The following PTPN3 variants were observed in gnomAD, a reference collection of about 807,000 sequenced individuals.
The protein encoded by PTPN3 is protein tyrosine phosphatase non-receptor type 3, also known as tyrosine-protein phosphatase non-receptor type 3.
PTPN3 carries 96 observed loss-of-function variants against 132.7 expected under a neutral mutation model. That is an observed-to-expected ratio of 0.72 (90% CI 0.61 to 0.86). The LOEUF (loss-of-function observed/expected upper bound fraction) is 0.86, where lower values mean the gene tolerates loss of function less well. Ranked by LOEUF, PTPN3 falls within the 40% of genes least tolerant of loss-of-function variation. The pLI is 0.00. For missense variants in PTPN3, 1,125 were observed against 1,159.6 expected (o/e 0.97, Z 0.43); for synonymous variants, 398 against 429.0 (o/e 0.93, Z 0.89).
the PTPN3 span, chr9:109,533,326 A>C: frequency 2.2e-6 from 1 of 453,652 alleles, no homozygotes; most frequent in Non-Finnish European, 4.0e-6. Context: ...TTGTATTTTT[A>C]GTAGAGACGG....
intron 12 of PTPN3, among the ~76,000 whole-genome samples, chr9:109,426,249 G>A (rs1479676849): frequency 6.7e-6 from 1 of 148,680 alleles, no homozygotes; most frequent in South Asian, 2.1e-4. Context: ...ATTTTATTTA[G>A]AGAATAAATT....
the PTPN3 span, among the ~76,000 whole-genome samples, chr9:109,523,592 T>A: frequency 6.6e-6 from 1 of 152,288 alleles, no homozygotes; most frequent in Non-Finnish European, 1.5e-5. Context: ...TGTCTTCAAC[T>A]GGGCTCTGCA....
At chr9:109,500,767 CA>C (rs57509273), upstream of PTPN3, among the ~76,000 whole-genome samples, 3 of 150,204 alleles carry the variant, frequency 2.0e-5, no homozygotes, top group African/African-American at 7.3e-5. Flanking sequence ...CCCATCTTTA[CA>C]AAAAAAAACT....
intron 9 of PTPN3, among the ~76,000 whole-genome samples, chr9:109,435,228 T>C (rs559919094): frequency 6.6e-6 from 1 of 152,308 alleles, no homozygotes; most frequent in South Asian, 2.1e-4. Flanking sequence ...CCCTGCAGCA[T>C]AGGAAGTTAC....
At chr9:109,478,997 C>T (rs895903663) in intron 1 of PTPN3, among the ~76,000 whole-genome samples, 14 of 151,416 alleles carry the variant, frequency 9.2e-5, no homozygotes, top group Middle Eastern at 3.4e-3. Flanking sequence ...TTTAAATCTC[C>T]GGTAAACAAG....
chr9:109,522,601 A>G, the PTPN3 span, among the ~76,000 whole-genome samples: 1 of 152,226 alleles, frequency 6.6e-6, no homozygotes, highest in Non-Finnish European at 1.5e-5. Flanking sequence ...ATATACGCGT[A>G]CCTGCTAGTG....
Position 109,377,457 on chromosome 9 carries a change from C to CACACACACACACACAA in PTPN3, c.*2098_*2099insTTGTGTGTGTGTGTGT, listed in dbSNP as rs1422644975. 7.6e-6 allele frequency: 1 copy of CACACACACACACACAA among 131,152 alleles called. No individual in the cohort carries two copies. The allele number at this position is 131,152 out of a possible 1,614,324, so 8.1% of individuals were successfully genotyped here. ...ACACACACACACACACACACACACA[C>CACACACACACACACAA]AAGCCAGGTGAGGTGGCATGTGCCT... is the stretch of plus-strand genomic sequence containing the variant. On this transcript the variant is annotated 3_prime_UTR_variant, in exon 26 of 26. Transcript: ENST00000374541.
At chr9:109,461,037 A>T (rs1845822754) in intron 2 of PTPN3, among the ~76,000 whole-genome samples, 3 of 152,266 alleles carry the variant, frequency 2.0e-5, no homozygotes, top group African/African-American at 7.2e-5. Context: ...AGCCAGACAC[A>T]TACTAAACTA....
At chr9:109,509,615 C>T in the PTPN3 span, among the ~76,000 whole-genome samples, 7 of 152,116 alleles carry the variant, frequency 4.6e-5, no homozygotes, top group African/African-American at 9.7e-5. Flanking sequence ...TTGATATGCC[C>T]GTCAGGCCAA....
At chr9:109,476,185 A>C (rs1378943391) in intron 1 of PTPN3, among the ~76,000 whole-genome samples, 1 of 152,130 alleles carries the variant, frequency 6.6e-6, no homozygotes, top group African/African-American at 2.4e-5. Flanking sequence ...AGAAACCATA[A>C]AATATTTTTA....
At chr9:109,453,733 G>C (rs535596050) in intron 5 of PTPN3, among the ~76,000 whole-genome samples, 2 of 152,026 alleles carry the variant, frequency 1.3e-5, no homozygotes, top group Non-Finnish European at 2.9e-5. Context: ...TAACAAAGCT[G>C]GCCTGGTGAC....
At chr9:109,469,383 C>T (rs374302287) in intron 1 of PTPN3, among the ~76,000 whole-genome samples, 52 of 152,278 alleles carry the variant, frequency 3.4e-4, no homozygotes, top group African/African-American at 1.2e-3. Context: ...CTTTGGGAGG[C>T]CCAGGTGGGC....
chr9:109,479,286 G>A (rs1051408086), intron 1 of PTPN3, among the ~76,000 whole-genome samples: 2 of 152,112 alleles, frequency 1.3e-5, no homozygotes, highest in African/African-American at 4.8e-5. Context: ...CATAGTATTT[G>A]TCTATTTGAG....
At chr9:109,380,783 T>G (rs187994764) in intron 25 of PTPN3, among the ~76,000 whole-genome samples, 3 of 152,218 alleles carry the variant, frequency 2.0e-5, no homozygotes, top group Non-Finnish European at 4.4e-5. Flanking sequence ...ACAGAGCTGG[T>G]TGGAACATAT....
intron 12 of PTPN3, 52 bp downstream of exon 12, chr9:109,426,898 G>C (rs1352853441): frequency 3.3e-6 from 5 of 1,520,584 alleles, no homozygotes; most frequent in Non-Finnish European, 4.5e-6. Flanking sequence ...TGATGACCAG[G>C]ATGCATTTAC....
intron 7 of PTPN3, among the ~76,000 whole-genome samples, chr9:109,443,115 A>G (rs1466663987): frequency 1.4e-5 from 2 of 146,626 alleles, no homozygotes; most frequent in African/African-American, 5.1e-5. Flanking sequence ...TCACTCTGTC[A>G]CAAAGGCTGG....
intron 1 of PTPN3, among the ~76,000 whole-genome samples, chr9:109,475,224 G>C (rs1213533719): frequency 6.6e-6 from 1 of 152,176 alleles, no homozygotes; most frequent in African/African-American, 2.4e-5. Context: ...TGGGATAGAT[G>C]AACTCTGGGC....
At chr9:109,463,501 T>G (rs1367915290) in intron 1 of PTPN3, 50 bp from the exon 2 acceptor site, 3 of 1,533,174 alleles carry the variant, frequency 2.0e-6, no homozygotes, top group Non-Finnish European at 2.7e-6. Context: ...AATTGTCAGT[T>G]ACTTGTGAGT....
In PTPN3 at chr9:109,379,265, G is replaced by T; in HGVS notation, c.*291C>A. 2.8e-6 allele frequency: 1 copy of T among 353,690 alleles called. No individual in the cohort carries two copies. The highest frequency in any genetic ancestry group is 4.4e-5 in the South Asian group (1 of 22,588). The allele number at this position is 353,690 out of a possible 1,614,324, so 21.9% of individuals were successfully genotyped here. ...CAATTGCTCCAGGATGCCGACAGGG[G>T]TGTGTGTGGTGATGTTAGGGAAGAA... On this transcript the variant is annotated 3_prime_UTR_variant, in exon 26 of 26. Coordinates refer to ENST00000374541, the MANE Select transcript of PTPN3 (RefSeq NM_002829.4).
Sources: gnomAD v4.1 joint callset for allele counts (sites outside exome capture counted in the v4.1 genomes callset) on GRCh38, gnomAD v4.1.1 for gene constraint, MANE v1.5 for transcripts, NCBI Gene and HGNC (gene_info 2026-07-23, HGNC 2026-07-21) for gene names.